UAP1: variants seen among roughly 807,000 people sequenced by gnomAD.
The protein encoded by UAP1 is UDP-N-acetylglucosamine pyrophosphorylase 1.
Under a neutral mutation model 58.5 loss-of-function variants are expected in UAP1, and 25 were observed. That is an observed-to-expected ratio of 0.43 (90% CI 0.31 to 0.60). UAP1 has a LOEUF of 0.60. Among genes scored for constraint, UAP1 ranks in the 20% least tolerant of loss-of-function variants. The pLI is 0.11. For missense variants in UAP1, 575 were observed against 630.0 expected (o/e 0.91, Z 0.93); for synonymous variants, 208 against 213.0 (o/e 0.98, Z 0.21).
At chr1:162,574,976 C>T (rs1328269339) in intron 2 of UAP1, among the ~76,000 whole-genome samples, 1 of 152,144 alleles carries the variant, frequency 6.6e-6, no homozygotes. Flanking sequence ...TGACAGGCTT[C>T]CAGACCAAAG....
chr1:162,600,957 C>T (rs1212051610), downstream of UAP1, among the ~76,000 whole-genome samples: 1 of 152,066 alleles, frequency 6.6e-6, no homozygotes, highest in East Asian at 1.9e-4. Context: ...GCTATTTCCA[C>T]CTGCTATTTA....
exon 5 of UAP1, chr1:162,581,446 A>G: frequency 6.2e-7 from 1 of 1,613,902 alleles, no homozygotes; most frequent in Non-Finnish European, 8.5e-7. Flanking sequence ...AAAGGAGCAG[A>G]CTGTGGAGCA....
intron 9 of UAP1, chr1:162,593,421 A>G (rs1655438471): frequency 6.6e-6 from 1 of 152,176 alleles, no homozygotes; most frequent in African/African-American, 2.4e-5. Flanking sequence ...ATAGTTTAAG[A>G]GACAGCTTGA....
At chr1:162,575,599 T>C (rs1339894479) in intron 2 of UAP1, among the ~76,000 whole-genome samples, 1 of 151,846 alleles carries the variant, frequency 6.6e-6, no homozygotes, top group African/African-American at 2.4e-5. Flanking sequence ...GCCTGGCTAA[T>C]TTTTGTATTT....
chr1:162,597,334 C>T (rs1188410560), intron 9 of UAP1: 1 of 152,598 alleles, frequency 6.6e-6, no homozygotes, highest in Non-Finnish European at 1.5e-5. Flanking sequence ...CTATTGGCTT[C>T]TGTATTGGAT....
intron 2 of UAP1, among the ~76,000 whole-genome samples, chr1:162,568,840 T>C (rs1653688605): frequency 6.6e-6 from 1 of 152,238 alleles, no homozygotes; most frequent in Non-Finnish European, 1.5e-5. Context: ...AGTCAACACT[T>C]TGACCTTGTT....
chr1:162,579,603 G>A, exon 4 of UAP1: 1 of 1,557,898 alleles, frequency 6.4e-7, no homozygotes, highest in Non-Finnish European at 8.7e-7. Flanking sequence ...TATGGCTCCA[G>A]GTTTGTAATC....
downstream of UAP1, among the ~76,000 whole-genome samples, chr1:162,600,474 A>G (rs1350573844): frequency 3.3e-5 from 5 of 152,194 alleles, no homozygotes; most frequent in Non-Finnish European, 7.3e-5. Context: ...TGAGCTTTAT[A>G]AATGCATCTT....
chr1:162,599,418 C>T, exon 11 of UAP1: 1 of 1,172,064 alleles, frequency 8.5e-7, no homozygotes, highest in Non-Finnish European at 1.3e-6. Flanking sequence ...TTTTGATAGA[C>T]CAACTGTGAA....
At chr1:162,581,726 C>T (rs1273318031) in intron 5 of UAP1, among the ~76,000 whole-genome samples, 1 of 152,088 alleles carries the variant, frequency 6.6e-6, no homozygotes, top group Non-Finnish European at 1.5e-5. Flanking sequence ...CATCACTAGA[C>T]CTGGGTTGGA....
Position 162,592,726 on chromosome 1 carries a change from A to G in UAP1, c.1359-6A>G. Reference sequence around the variant, plus strand: ...TTCCCATTAATCCTTATTTATTCCCACATAGCAGTGCTACAAATGGGAAGT... The same window carrying G: ...TTCCCATTAATCCTTATTTATTCCCGCATAGCAGTGCTACAAATGGGAAGT... On this transcript the variant is annotated splice_region_variant and splice_polypyrimidine_tract_variant and intron_variant, in intron 8 of 10. Transcript: ENST00000271469. The G allele has an allele frequency of 6.5e-7, 1 of 1,546,548 alleles. No individual in the cohort carries two copies. Among genetic ancestry groups the G allele is most frequent in the Non-Finnish European group, 8.7e-7 (1 of 1,143,138 alleles).
At chr1:162,595,571 T>A (rs1655573673) in intron 9 of UAP1, among the ~76,000 whole-genome samples, 1 of 152,182 alleles carries the variant, frequency 6.6e-6, no homozygotes, top group African/African-American at 2.4e-5. Flanking sequence ...CCTTCATTAG[T>A]TTGTCATCAT....
At chr1:162,565,069 A>ACCTATAATCCCAGCTACT (rs1653404256) in intron 1 of UAP1, among the ~76,000 whole-genome samples, 1 of 151,956 alleles carries the variant, frequency 6.6e-6, no homozygotes, top group Non-Finnish European at 1.5e-5. Context: ...GGGTTTTGCC[A>ACCTATAATCCCAGCTACT]TGTTGCCCAG....
intron 5 of UAP1, among the ~76,000 whole-genome samples, chr1:162,585,223 A>G (rs1324972091): frequency 6.6e-6 from 1 of 151,782 alleles, no homozygotes; most frequent in Non-Finnish European, 1.5e-5. Flanking sequence ...AACTTATGAA[A>G]TATTGAGTAC....
At chr1:162,589,151 A>G (rs1327530448) in intron 7 of UAP1, among the ~76,000 whole-genome samples, 1 of 92,406 alleles carries the variant, frequency 1.1e-5, no homozygotes, top group East Asian at 2.9e-4. Flanking sequence ...TTTATATAAT[A>G]TATATTATAT....
At chr1:162,598,748 T>A (rs1188070351) in intron 10 of UAP1, among the ~76,000 whole-genome samples, 1 of 152,230 alleles carries the variant, frequency 6.6e-6, no homozygotes, top group African/African-American at 2.4e-5. Flanking sequence ...TTGCAGTGGC[T>A]CATGCCTGTA....
intron 2 of UAP1, among the ~76,000 whole-genome samples, chr1:162,570,076 G>A (rs1653758184): frequency 6.6e-6 from 1 of 151,736 alleles, no homozygotes; most frequent in African/African-American, 2.4e-5. Flanking sequence ...GTAAACCCAG[G>A]AGGCGGAGCT....
intron 7 of UAP1, among the ~76,000 whole-genome samples, chr1:162,589,163 TA>T (rs1347029003): frequency 2.3e-3 from 233 of 102,126 alleles, no homozygotes; most frequent in African/African-American, 9.1e-3. Flanking sequence ...ATATTATATA[TA>T]ATATATAAAT....
At chr1:162,597,880 C>T (rs571680420) in intron 10 of UAP1, 22 bp downstream of exon 10, 2 of 1,591,752 alleles carry the variant, frequency 1.3e-6, no homozygotes, top group East Asian at 2.2e-5. Context: ...TTACTTTTTC[C>T]TCTATTCTTT....
Sources: allele counts gnomAD v4.1 joint callset (sites outside exome capture counted in the v4.1 genomes callset), GRCh38; gene constraint gnomAD v4.1.1; transcripts MANE v1.5; gene names NCBI Gene and HGNC (gene_info 2026-07-23, HGNC 2026-07-21).